Variants in SPMIP7 observed in about 807,000 individuals in gnomAD.
SPMIP7 encodes the protein sperm microtubule inner protein 7.
the SPMIP7 span, among the ~76,000 whole-genome samples, chr7:50,108,936 T>G: frequency 6.6e-6 from 1 of 152,182 alleles, no homozygotes; most frequent in Non-Finnish European, 1.5e-5. Context: ...AAACACGTCT[T>G]AGCACCTTAG....
At chr7:50,096,396 G>C in the SPMIP7 span, 2 of 1,551,950 alleles carry the variant, frequency 1.3e-6, no homozygotes, top group Non-Finnish European at 1.7e-6. Context: ...GTGACCTTAG[G>C]TGATTCCTGT....
chr7:50,148,840 C>T, the SPMIP7 span, among the ~76,000 whole-genome samples: 3 of 152,266 alleles, frequency 2.0e-5, no homozygotes, highest in Non-Finnish European at 4.4e-5. Context: ...ACACCACTTA[C>T]TAGTTACATT....
chr7:50,096,186 A>G, the SPMIP7 span: 1 of 1,551,754 alleles, frequency 6.4e-7, no homozygotes, highest in South Asian at 1.2e-5. Context: ...CACTATTGTG[A>G]TCTCTTAAGA....
chr7:50,135,579 A>G, the SPMIP7 span, among the ~76,000 whole-genome samples: 1 of 152,240 alleles, frequency 6.6e-6, no homozygotes, highest in Non-Finnish European at 1.5e-5. Flanking sequence ...GATTTCATCT[A>G]GCTAATTTTA....
the SPMIP7 span, among the ~76,000 whole-genome samples, chr7:50,098,881 T>TA: frequency 1.3e-5 from 2 of 152,062 alleles, no homozygotes; most frequent in Non-Finnish European, 2.9e-5. Context: ...TATAGTTAAT[T>TA]AACATTAAGT....
chr7:50,126,735 A>G, the SPMIP7 span, among the ~76,000 whole-genome samples: 1 of 152,096 alleles, frequency 6.6e-6, no homozygotes, highest in South Asian at 2.1e-4. Flanking sequence ...AAAATTAATC[A>G]ATGTAATTTA....
At chr7:50,150,984 C>T in the SPMIP7 span, among the ~76,000 whole-genome samples, 1 of 152,150 alleles carries the variant, frequency 6.6e-6, no homozygotes, top group African/African-American at 2.4e-5. Flanking sequence ...ATTTACAATG[C>T]AGTACATTAA....
chr7:50,108,107 C>T, the SPMIP7 span, among the ~76,000 whole-genome samples: 8 of 152,116 alleles, frequency 5.3e-5, no homozygotes, highest in Non-Finnish European at 8.8e-5. Flanking sequence ...AATGTGATTA[C>T]TTTTATTAGA....
the SPMIP7 span, chr7:50,136,099 T>C: frequency 6.5e-7 from 1 of 1,549,130 alleles, no homozygotes; most frequent in Non-Finnish European, 8.7e-7. Flanking sequence ...TATTTTTAGA[T>C]GGTTGGTGAG....
chr7:50,104,851 C>T, the SPMIP7 span, among the ~76,000 whole-genome samples: 1 of 152,170 alleles, frequency 6.6e-6, no homozygotes, highest in Non-Finnish European at 1.5e-5. Flanking sequence ...TTCTCACTAG[C>T]TTCTTTTCCT....
the SPMIP7 span, among the ~76,000 whole-genome samples, chr7:50,100,195 G>T: frequency 6.6e-6 from 1 of 152,200 alleles, no homozygotes; most frequent in Non-Finnish European, 1.5e-5. Context: ...AAAAGTTGGG[G>T]TGCTAAACAT....
the SPMIP7 span, among the ~76,000 whole-genome samples, chr7:50,157,488 C>T: frequency 6.6e-6 from 1 of 152,150 alleles, no homozygotes; most frequent in Non-Finnish European, 1.5e-5. Context: ...TGCCTTCCCA[C>T]CTCTGCAGCC....
At chr7:50,102,801 C>G in the SPMIP7 span, among the ~76,000 whole-genome samples, 8 of 151,742 alleles carry the variant, frequency 5.3e-5, no homozygotes, top group Non-Finnish European at 1.2e-4. Context: ...AAATGTTGAG[C>G]ACTTAAACTA....
At chr7:50,104,945 C>T in the SPMIP7 span, among the ~76,000 whole-genome samples, 1 of 152,166 alleles carries the variant, frequency 6.6e-6, no homozygotes, top group Non-Finnish European at 1.5e-5. Flanking sequence ...CTCTGAATCC[C>T]TGCTCCTTAA....
the SPMIP7 span, among the ~76,000 whole-genome samples, chr7:50,127,293 C>T: frequency 6.6e-6 from 1 of 151,912 alleles, no homozygotes; most frequent in Non-Finnish European, 1.5e-5. Context: ...AGATCTGAAG[C>T]TCTGAAACTA....
At chr7:50,113,904 T>C in the SPMIP7 span, among the ~76,000 whole-genome samples, 2 of 151,906 alleles carry the variant, frequency 1.3e-5, no homozygotes, top group African/African-American at 2.4e-5. Flanking sequence ...GTGATAAAGA[T>C]AAAATCTTAA....
chr7:50,111,684 G>T, the SPMIP7 span, among the ~76,000 whole-genome samples: 6 of 152,172 alleles, frequency 3.9e-5, no homozygotes, highest in Admixed American at 3.9e-4. Context: ...GCTGCTTTTT[G>T]TTAAAAGGGA....
the SPMIP7 span, among the ~76,000 whole-genome samples, chr7:50,157,191 A>G: frequency 1.3e-5 from 2 of 152,222 alleles, no homozygotes; most frequent in African/African-American, 4.8e-5. Context: ...CAAGGGGTCC[A>G]TGGCCATATA....
the SPMIP7 span, among the ~76,000 whole-genome samples, chr7:50,157,183 A>G: frequency 2.6e-5 from 4 of 152,228 alleles, no homozygotes; most frequent in Non-Finnish European, 5.9e-5. Flanking sequence ...GTTGATGCCA[A>G]GGGGTCCATG....
Sources: allele counts gnomAD v4.1 joint callset (sites outside exome capture counted in the v4.1 genomes callset), GRCh38; gene constraint gnomAD v4.1.1; transcripts MANE v1.5; gene names NCBI Gene and HGNC (gene_info 2026-07-23, HGNC 2026-07-21).